The following SYNE2 variants were observed in gnomAD, a reference collection of about 807,000 sequenced individuals.
SYNE2 encodes the protein nesprin-2.
SYNE2 carries 431 observed loss-of-function variants against 856.3 expected under a neutral mutation model. The observed-to-expected ratio is 0.50, with a 90% CI of 0.47 to 0.55. The LOEUF (loss-of-function observed/expected upper bound fraction) is 0.55. Ranked by LOEUF, SYNE2 falls within the 20% of genes least tolerant of loss-of-function variation. SYNE2 has a pLI of 0.00. For missense variants in SYNE2, 8,129 were observed against 8,023.2 expected (o/e 1.01, Z -0.50); for synonymous variants, 2,923 against 2,872.3 (o/e 1.02, Z -0.56).
chr14:64,216,132 G>A, intron 107 of SYNE2, 116 bp from the exon 108 acceptor site: 6 of 1,577,752 alleles, frequency 3.8e-6, no homozygotes, highest in South Asian at 2.3e-5. Context: ...TTGCAAACAT[G>A]CATGCTTTGC....
At chr14:63,876,637 A>G (rs912782474) in intron 1 of SYNE2, among the ~76,000 whole-genome samples, 10 of 151,716 alleles carry the variant, frequency 6.6e-5, no homozygotes, top group South Asian at 2.1e-4. Context: ...ACAGGCGCCC[A>G]CCACCACGCC....
Position 64,074,406 on chromosome 14 carries a change from G to A in SYNE2, c.10866+270G>A, listed in dbSNP as rs569543379. Among the ~76,000 whole-genome samples, 3 of 152,294 alleles carry A rather than the reference G, an allele frequency of 2.0e-5. No individual in the cohort carries two copies. The South Asian group carries it at 6.2e-4, about 32-fold the overall frequency. On this transcript the variant is annotated intron_variant, in intron 53 of 115. Transcript: ENST00000555002. The stretch of plus-strand genomic sequence containing the variant: ...CTTCTTTCAACTATGTTTCCAGTGT[G>A]TTTGGTGAACAAGGGCCTCAGACCA...
chr14:63,887,304 G>A (rs961720190), intron 1 of SYNE2, among the ~76,000 whole-genome samples: 3 of 152,052 alleles, frequency 2.0e-5, no homozygotes, highest in Non-Finnish European at 2.9e-5. Context: ...AATTTGTAAA[G>A]AAACCCTAAA....
intron 111 of SYNE2, among the ~76,000 whole-genome samples, chr14:64,221,365 C>T (rs547713180): frequency 3.3e-4 from 51 of 152,322 alleles, no homozygotes; most frequent in South Asian, 2.5e-3. Flanking sequence ...CTTTTATTCG[C>T]GGCCTCCTGG....
Position 63,814,932 on chromosome 14 carries a change from C to CTATCCATATA in SYNE2, c.-304-37564_-304-37555dup, listed in dbSNP as rs1391790794. On this transcript the variant is annotated intron_variant, in intron 1 of 23. Coordinates refer to the SYNE2 transcript ENST00000674003. The stretch of plus-strand genomic sequence containing the variant: ...TATATCCATATATCTATCCATATAT[C>CTATCCATATA]TATCCATATATATCTATCCATATAT... 9.2e-3 allele frequency among the ~76,000 whole-genome samples: 486 copies of CTATCCATATA among 53,094 alleles called. 1 individual carries two copies. The highest frequency in any genetic ancestry group is 0.019 in the East Asian group (34 of 1,794). 34.8% of individuals were successfully genotyped at this position (53,094 alleles called of 152,430 possible). A position where few individuals can be genotyped will look rare whatever the true frequency, so the allele number is the denominator to read the frequency against.
At chr14:63,929,000 C>T (rs1339391583) in intron 2 of SYNE2, among the ~76,000 whole-genome samples, 6 of 152,130 alleles carry the variant, frequency 3.9e-5, no homozygotes, top group African/African-American at 1.4e-4. Flanking sequence ...TCCTGAACCA[C>T]AGGGATGTTA....
chr14:63,810,311 A>G (rs1888569450), intron 1 of SYNE2, among the ~76,000 whole-genome samples: 3 of 152,176 alleles, frequency 2.0e-5, no homozygotes, highest in South Asian at 2.1e-4. Context: ...GCATGGAAGC[A>G]TGTTGAATAA....
At position 63,832,011 on chromosome 14, in the gene SYNE2, C is replaced by A. The variant is rs529212041; in HGVS notation, c.-304-20490C>A. On this transcript the variant is annotated intron_variant, in intron 1 of 23. Transcript: ENST00000674003. ...TTTTTCAGTATTTTATTCTTGTATC[C>A]CACAAAAAATTATTATTTTGATTTG... Among the ~76,000 whole-genome samples, 15 of 151,446 alleles carry A rather than the reference C, an allele frequency of 9.9e-5. No homozygotes were observed. In the South Asian group the frequency reaches 2.7e-3, roughly 27 times the overall value.
At position 63,987,700 on chromosome 14, in the gene SYNE2, T is replaced by C. The variant is rs558584329; in HGVS notation, c.2313+1083T>C. Reference sequence around the variant, plus strand: ...AGTGCTTTTCTGATTTTATTTTTAGTATTTATTTACTCTATCTGGAATTTA... The same window carrying C: ...AGTGCTTTTCTGATTTTATTTTTAGCATTTATTTACTCTATCTGGAATTTA... On this transcript the variant is annotated intron_variant, in intron 19 of 115. Coordinates refer to ENST00000555002, the MANE Select transcript of SYNE2 (RefSeq NM_182914.3). Among the ~76,000 whole-genome samples, 36 of 152,254 alleles carry C rather than the reference T, an allele frequency of 2.4e-4. 1 individual carries two copies. The East Asian group carries it at 5.0e-3, about 21-fold the overall frequency.
At chr14:63,824,341 A>T (rs1008366630) in intron 1 of SYNE2, among the ~76,000 whole-genome samples, 1 of 152,070 alleles carries the variant, frequency 6.6e-6, no homozygotes. Context: ...GTGAGATTTT[A>T]AAAAATGCAT....
At chr14:64,215,448 T>C (rs1596280889) in intron 107 of SYNE2, 94 bp downstream of exon 107, 4 of 1,217,372 alleles carry the variant, frequency 3.3e-6, no homozygotes, top group Non-Finnish European at 4.9e-6. Flanking sequence ...TACCTCTGCC[T>C]TCTGTGGACA....
chr14:64,104,717 C>T (rs1034002940), intron 64 of SYNE2, among the ~76,000 whole-genome samples: 1 of 152,144 alleles, frequency 6.6e-6, no homozygotes, highest in Non-Finnish European at 1.5e-5. Flanking sequence ...TCCCAAAGTG[C>T]TGGGATTACA....
intron 87 of SYNE2, 130 bp from the exon 88 acceptor site, chr14:64,161,942 T>A (rs1375697556): frequency 3.0e-6 from 3 of 999,956 alleles, no homozygotes; most frequent in East Asian, 5.2e-5. Context: ...CCACTAATTT[T>A]AAAAACCATT....
intron 103 of SYNE2, 151 bp from the exon 104 acceptor site, chr14:64,211,810 A>C: frequency 8.9e-7 from 1 of 1,122,960 alleles, no homozygotes; most frequent in Non-Finnish European, 1.3e-6. Flanking sequence ...TGAACAACAT[A>C]GTGCTTCTGG....
intron 1 of SYNE2, among the ~76,000 whole-genome samples, chr14:63,900,194 G>A (rs749778208): frequency 1.3e-5 from 2 of 152,192 alleles, no homozygotes; most frequent in African/African-American, 2.4e-5. Context: ...CTGCTTTGTT[G>A]TGAGATTGCA....
In SYNE2 at chr14:64,111,785, G is replaced by A. The variant is rs533577928; in HGVS notation, c.12610-1556G>A. 2.6e-5 allele frequency among the ~76,000 whole-genome samples: 4 copies of A among 151,992 alleles called. No homozygotes were observed. The East Asian group carries it at 5.8e-4, about 22-fold the overall frequency. On this transcript the variant is annotated intron_variant, in intron 65 of 115. Coordinates refer to ENST00000555002, the MANE Select transcript of SYNE2 (RefSeq NM_182914.3). Reference sequence around the variant, plus strand: ...TGTACTCCAGCCTGGGTGACAGAGGGAAACTCTTCCCAAGAAGAAAAAAAA... The same window carrying A: ...TGTACTCCAGCCTGGGTGACAGAGGAAAACTCTTCCCAAGAAGAAAAAAAA...
chr14:63,998,370 C>A, intron 26 of SYNE2, 42 bp downstream of exon 26: 1 of 1,330,832 alleles, frequency 7.5e-7, no homozygotes, highest in South Asian at 1.2e-5. Context: ...CACCAGAAGT[C>A]TTTCATCGAT....
chr14:64,198,361 G>A (rs2139850267), intron 99 of SYNE2, among the ~76,000 whole-genome samples: 1 of 152,234 alleles, frequency 6.6e-6, no homozygotes, highest in East Asian at 1.9e-4. Flanking sequence ...ACAATGTGGA[G>A]GTCAGTTGCC....
At chr14:63,991,213 T>C in intron 21 of SYNE2, 98 bp downstream of exon 21, 1 of 1,190,994 alleles carries the variant, frequency 8.4e-7, no homozygotes, top group African/African-American at 1.5e-5. Flanking sequence ...ATATACTGAG[T>C]TACTGTAACT....
Sources: gnomAD v4.1 joint callset for allele counts (sites outside exome capture counted in the v4.1 genomes callset) on GRCh38, gnomAD v4.1.1 for gene constraint, MANE v1.5 for transcripts, NCBI Gene and HGNC (gene_info 2026-07-23, HGNC 2026-07-21) for gene names.